Variants in PRAM1 observed in about 807,000 individuals in gnomAD.
PRAM1 encodes PML-RARA-regulated adapter molecule 1.
Under a neutral mutation model 55.3 loss-of-function variants are expected in PRAM1, and 41 were observed. The observed-to-expected ratio is 0.74, with a 90% CI of 0.58 to 0.96. The LOEUF is 0.96. Ranked by LOEUF, PRAM1 falls within the 40% of genes least tolerant of loss-of-function variation. The pLI is 0.00. For missense variants in PRAM1, 898 were observed against 892.7 expected (o/e 1.01, Z -0.08); for synonymous variants, 401 against 387.1 (o/e 1.04, Z -0.42).
chr19:8,498,417 A>T lies in PRAM1; in HGVS notation c.1391T>A (p.Val464Glu), dbSNP rs763025315. The change falls in exon 2 of 10, where the codon GTG becomes GAG. Residue 464 changes from valine (V) to glutamate (E), a missense_variant. By Grantham distance (121) the Val-to-Glu change is moderately radical. Coordinates refer to ENST00000423345, the MANE Select transcript of PRAM1 (RefSeq NM_032152.5). ...PAKPPLPPGP[V>E]DMQSFRRPSA... ...GGGTCTCCGAAAGCTCTGCATATCC[A>T]CGGGCCCCGGGGGCAGCGGGGGCTT... 1 of 1,578,646 alleles carries T rather than the reference A, an allele frequency of 6.3e-7. No homozygotes were observed. The highest frequency in any genetic ancestry group is 1.2e-5 in the South Asian group (1 of 86,822).
Position 8,490,772 on chromosome 19 carries a change from T to G in PRAM1, c.1744-16A>C, listed in dbSNP as rs746821639. 6.2e-7 allele frequency: 1 copy of G among 1,607,514 alleles called. No individual in the cohort carries two copies. Among genetic ancestry groups the G allele is most frequent in the Non-Finnish European group, 8.5e-7 (1 of 1,179,232 alleles). On this transcript the variant is annotated splice_polypyrimidine_tract_variant and intron_variant, in intron 6 of 9. Transcript: ENST00000423345. The surrounding 1 kb of genome is among the most constrained non-coding windows in gnomAD (Gnocchi z 7.3). ...CCCCTTCAAACTGGGGCGCGAGATG[T>G]TAGGGCCTCTGCTTGTGCTGCCGCC...
chr19:8,491,685 A>C (rs1971632292), intron 4 of PRAM1: 5 of 166,826 alleles, frequency 3.0e-5, no homozygotes, highest in Non-Finnish European at 5.2e-5. Context: ...CATTCCCTTA[A>C]CTCCTGCCAC....
chr19:8,501,469 C>T (rs981693485), intron 1 of PRAM1, among the ~76,000 whole-genome samples: 5 of 149,470 alleles, frequency 3.3e-5, no homozygotes, highest in African/African-American at 9.9e-5. Context: ...CCCACCCCTA[C>T]GTATTATACT....
intron 4 of PRAM1, among the ~76,000 whole-genome samples, chr19:8,492,983 C>T: frequency 6.6e-6 from 1 of 152,082 alleles, no homozygotes. Flanking sequence ...GGCGACAGAC[C>T]AGGACCCTGT....
At chr19:8,500,715 C>T (rs1253524559) in intron 1 of PRAM1, among the ~76,000 whole-genome samples, 2 of 152,150 alleles carry the variant, frequency 1.3e-5, no homozygotes, top group African/African-American at 4.8e-5. Context: ...CTCCTCCCAG[C>T]CTCTGTTCTC....
At chr19:8,496,189 G>A (rs2145790045) in intron 4 of PRAM1, 1 of 444,950 alleles carries the variant, frequency 2.2e-6, no homozygotes, top group South Asian at 1.6e-5. Flanking sequence ...GCTGAGGTGG[G>A]CGGATCACGA....
chr19:8,501,977 G>A (rs1286149153), intron 1 of PRAM1, among the ~76,000 whole-genome samples: 2 of 152,188 alleles, frequency 1.3e-5, no homozygotes, highest in African/African-American at 2.4e-5. Flanking sequence ...AGGAGATTGG[G>A]GGAGGGAAAG....
Position 8,498,748 on chromosome 19 carries a change from G to T in PRAM1, c.1060C>A (p.Pro354Thr). 6.3e-7 allele frequency: 1 copy of T among 1,576,380 alleles called. No homozygotes were observed. ...KLLQPERRGP[P>T]RKFSQPEPSA... ...GGCTCAGGCTGTGAGAACTTGCGGG[G>T]TGGCCCCCGGCGCTCCGGCTGCAGC... Residue 354 changes from proline (P) to threonine (T), a missense_variant, in exon 2 of 10, where the codon CCC becomes ACC. Pro to Thr is a conservative substitution (Grantham distance 38, BLOSUM62 -1). Coordinates refer to ENST00000423345, the MANE Select transcript of PRAM1 (RefSeq NM_032152.5).
chr19:8,491,671 CTTCCA>C, intron 4 of PRAM1: 1 of 180,978 alleles, frequency 5.5e-6, no homozygotes, highest in Middle Eastern at 2.7e-3. Flanking sequence ...TCTGGATTGC[CTTCCA>C]TTCCCTTAAC....
Position 8,495,444 on chromosome 19 carries a change from C to T in PRAM1, c.1576+2320G>A, listed in dbSNP as rs148495896. Among the ~76,000 whole-genome samples the T allele has an allele frequency of 2.7e-3, 407 of 151,912 alleles. 2 individuals carry two copies. Among genetic ancestry groups the T allele is most frequent in the African/African-American group, 5.3e-3 (218 of 41,446 alleles). On this transcript the variant is annotated intron_variant, in intron 4 of 9. Transcript: ENST00000423345. ...TTAGTAGAGATGGGTTTTTGCCATGCGGGCCAGGCTGGTCTGGAACTCCTG... is the reference window on the plus strand; with the variant it reads ...TTAGTAGAGATGGGTTTTTGCCATGTGGGCCAGGCTGGTCTGGAACTCCTG...
chr19:8,491,003 C>G lies in PRAM1; in HGVS notation c.1635-8G>C. The G allele has an allele frequency of 6.2e-7, 1 of 1,613,092 alleles. No homozygotes were observed. The highest frequency in any genetic ancestry group is 8.5e-7 in the Non-Finnish European group (1 of 1,179,618). On this transcript the variant is annotated splice_region_variant and splice_polypyrimidine_tract_variant and intron_variant, in intron 5 of 9. Coordinates refer to ENST00000423345, the MANE Select transcript of PRAM1 (RefSeq NM_032152.5). The stretch of plus-strand genomic sequence containing the variant: ...TGGGGATCCTTCTCCTTCCTGATAG[C>G]CCCCACCAAGGAATTGTGTGCTCGT...
intron 4 of PRAM1, among the ~76,000 whole-genome samples, chr19:8,494,925 G>A (rs970049304): frequency 1.4e-5 from 2 of 146,238 alleles, no homozygotes; most frequent in African/African-American, 5.1e-5. Context: ...GAGCCACTGC[G>A]CCTGGCCTTT....
At chr19:8,491,485 G>A (rs919471096) in intron 4 of PRAM1, 14 of 427,098 alleles carry the variant, frequency 3.3e-5, no homozygotes, top group South Asian at 1.6e-4. Flanking sequence ...CACTCGCCTC[G>A]GCCTCCTAAA....
At position 8,498,388 on chromosome 19, in the gene PRAM1, C is replaced by T; in HGVS notation, c.1420G>A (p.Ala474Thr). 6.3e-7 allele frequency: 1 copy of T among 1,579,434 alleles called. No homozygotes were observed. The change falls in exon 2 of 10, where the codon GCA becomes ACA. Residue 474 changes from alanine to threonine, a missense_variant. Transcript: ENST00000423345. ...CGCCCTCACCCACCTATGGATGCTG[C>T]AGAGGGTCTCCGAAAGCTCTGCATA... ...VDMQSFRRPS[A>T]ASIDLRRTRS... is the part of the protein sequence containing the mutation.
At chr19:8,491,215 G>T in intron 4 of PRAM1, 58 bp from the exon 5 acceptor site, 1 of 1,526,212 alleles carries the variant, frequency 6.6e-7, no homozygotes, top group Admixed American at 1.9e-5. Context: ...CCTTTACCCT[G>T]GTAGCTGTTT....
At chr19:8,495,027 C>T (rs1971679412) in intron 4 of PRAM1, among the ~76,000 whole-genome samples, 1 of 151,962 alleles carries the variant, frequency 6.6e-6, no homozygotes, top group African/African-American at 2.4e-5. Flanking sequence ...GCAACCTCCA[C>T]CTCCCGGGTT....
intron 4 of PRAM1, among the ~76,000 whole-genome samples, chr19:8,495,744 C>G (rs12982394): frequency 0.067 from 8,454 of 126,422 alleles, 543 homozygotes; most frequent in African/African-American, 0.19. Flanking sequence ...GGGAGTGGAG[C>G]GTACAGATTT....
intron 4 of PRAM1, among the ~76,000 whole-genome samples, chr19:8,495,531 C>T (rs762504444): frequency 1.3e-5 from 2 of 152,150 alleles, no homozygotes; most frequent in African/African-American, 2.4e-5. Flanking sequence ...TGAGCTGCCA[C>T]GCCGGGCCAG....
At chr19:8,496,240 C>T in intron 4 of PRAM1, 2 of 364,148 alleles carry the variant, frequency 5.5e-6, no homozygotes, top group Non-Finnish European at 1.1e-5. Flanking sequence ...GTAGTGAAAC[C>T]CCAGCTCTAC....
Sources: gnomAD v4.1 joint callset for allele counts (sites outside exome capture counted in the v4.1 genomes callset) on GRCh38, gnomAD v4.1.1 for gene constraint, Gnocchi (gnomAD v3.1) non-coding constraint, MANE v1.5 for transcripts, NCBI Gene and HGNC (gene_info 2026-07-23, HGNC 2026-07-21) for gene names.